Variants in CCDC73 observed in about 807,000 individuals in gnomAD.
CCDC73 encodes the protein coiled-coil domain containing 73.
A neutral mutation model predicts 116.5 loss-of-function variants in CCDC73; 95 were observed. The ratio of observed to expected loss-of-function variants is 0.82; its 90% confidence interval spans 0.69 to 0.97. The LOEUF (loss-of-function observed/expected upper bound fraction) is 0.97. Ranked by LOEUF, CCDC73 falls within the 50% of genes least tolerant of loss-of-function variation. The pLI, the probability that CCDC73 is intolerant of heterozygous loss-of-function variation, is 0.00. For synonymous variants in CCDC73, 398 were observed against 401.3 expected (o/e 0.99, Z 0.10); for missense variants, 1,066 against 1,206.8 (o/e 0.88, Z 1.73).
intron 2 of CCDC73, among the ~76,000 whole-genome samples, chr11:32,753,147 C>G (rs2133369100): frequency 6.6e-6 from 1 of 152,174 alleles, no homozygotes; most frequent in East Asian, 1.9e-4. Flanking sequence ...GGCTATTATC[C>G]CGTAAGAGCT....
At chr11:32,804,832 C>T in the CCDC73 span, among the ~76,000 whole-genome samples, 1 of 152,212 alleles carries the variant, frequency 6.6e-6, no homozygotes, top group Non-Finnish European at 1.5e-5. Context: ...GAATATTCTT[C>T]ATTGAGTATT....
chr11:32,615,517 C>G (rs996220825), intron 15 of CCDC73, among the ~76,000 whole-genome samples: 1 of 152,052 alleles, frequency 6.6e-6, no homozygotes, highest in African/African-American at 2.4e-5. Context: ...TATATTCTAA[C>G]AAAGATTTCA....
chr11:32,789,789 G>A (rs111342227), intron 1 of CCDC73, among the ~76,000 whole-genome samples: 3,685 of 151,888 alleles, frequency 0.024, 144 homozygotes, highest in African/African-American at 0.082. Flanking sequence ...AAATAAATAC[G>A]ACACCTTCTT....
intron 12 of CCDC73, among the ~76,000 whole-genome samples, chr11:32,642,682 T>C (rs918871845): frequency 1.3e-5 from 2 of 151,890 alleles, no homozygotes; most frequent in African/African-American, 2.4e-5. Context: ...TTTTTAAAGC[T>C]ATTAAATCAG....
In CCDC73 at chr11:32,608,410, G is replaced by C. The variant is rs185505733; in HGVS notation, c.3030+2722C>G. Among the ~76,000 whole-genome samples the C allele has an allele frequency of 3.6e-3, 548 of 151,902 alleles. 3 individuals are homozygous for C. Among genetic ancestry groups the C allele is most frequent in the Non-Finnish European group, 5.7e-3 (386 of 68,022 alleles). ...AAAACAAAGGGTCTACAGGCCCTGTGAAAGTCCAAAATCCAGCATGGCTGC... is the reference window on the plus strand; with the variant it reads ...AAAACAAAGGGTCTACAGGCCCTGTCAAAGTCCAAAATCCAGCATGGCTGC... On this transcript the variant is annotated intron_variant, in intron 17 of 17. Coordinates refer to ENST00000335185, the MANE Select transcript of CCDC73 (RefSeq NM_001008391.4).
At chr11:32,823,308 T>C in the CCDC73 span, among the ~76,000 whole-genome samples, 1 of 152,222 alleles carries the variant, frequency 6.6e-6, no homozygotes, top group African/African-American at 2.4e-5. Flanking sequence ...ACCCCGTCTC[T>C]ACTAAAAATA....
the CCDC73 span, among the ~76,000 whole-genome samples, chr11:32,811,704 G>T: frequency 6.6e-6 from 1 of 152,012 alleles, no homozygotes; most frequent in Non-Finnish European, 1.5e-5. Context: ...GGGAGGAGGT[G>T]CTAGACTCTT....
At chr11:32,703,046 A>G in intron 3 of CCDC73, 102 bp from the exon 4 acceptor site, 3 of 794,498 alleles carry the variant, frequency 3.8e-6, no homozygotes, top group Non-Finnish European at 4.4e-6. Flanking sequence ...CATACCTTCT[A>G]CATATATTAT....
At chr11:32,716,734 G>A (rs1264662500) in intron 3 of CCDC73, among the ~76,000 whole-genome samples, 1 of 151,982 alleles carries the variant, frequency 6.6e-6, no homozygotes, top group Non-Finnish European at 1.5e-5. Flanking sequence ...GCTAATATAT[G>A]TATTTTTTAA....
At chr11:32,763,722 G>C (rs573677978) in intron 1 of CCDC73, among the ~76,000 whole-genome samples, 1 of 152,214 alleles carries the variant, frequency 6.6e-6, no homozygotes, top group African/African-American at 2.4e-5. Context: ...CCCCTCCAAC[G>C]GAACGCAGCT....
intron 2 of CCDC73, among the ~76,000 whole-genome samples, chr11:32,744,223 T>C (rs1850214738): frequency 6.6e-6 from 1 of 152,242 alleles, no homozygotes; most frequent in Non-Finnish European, 1.5e-5. Flanking sequence ...TTGATATGCA[T>C]ATGTTGAACC....
intron 9 of CCDC73, 82 bp from the exon 10 acceptor site, chr11:32,655,054 C>T: frequency 2.2e-6 from 1 of 445,696 alleles, no homozygotes; most frequent in Non-Finnish European, 3.1e-6. Context: ...TTTCAAAGTT[C>T]ATCCTTAAGC....
chr11:32,713,121 C>A (rs546784969), intron 3 of CCDC73, among the ~76,000 whole-genome samples: 1 of 152,026 alleles, frequency 6.6e-6, no homozygotes. Flanking sequence ...AAACTCCCCC[C>A]GGATTAAATT....
chr11:32,747,334 T>C (rs1850248895), intron 2 of CCDC73, among the ~76,000 whole-genome samples: 1 of 152,066 alleles, frequency 6.6e-6, no homozygotes, highest in Non-Finnish European at 1.5e-5. Context: ...CCTGCCTATA[T>C]GAGGTGTCTG....
chr11:32,712,739 T>C (rs1849911467), intron 3 of CCDC73, among the ~76,000 whole-genome samples: 1 of 151,430 alleles, frequency 6.6e-6, no homozygotes, highest in Non-Finnish European at 1.5e-5. Context: ...TGTACATGTA[T>C]ATACTAATTT....
At position 32,760,273 on chromosome 11, in the gene CCDC73, G is replaced by C. The variant is rs201088588; in HGVS notation, c.-15-15C>G. On this transcript the variant is annotated splice_polypyrimidine_tract_variant and intron_variant, in intron 1 of 17. Transcript: ENST00000335185. ...ATATTTATTTCCTGTAATGTAAAAA[G>C]GTCTTAACTGAAAAAAAATTATCTA... 227 of 1,405,162 alleles carry C rather than the reference G, an allele frequency of 1.6e-4. No individual in the cohort carries two copies. Among genetic ancestry groups the C allele is most frequent in the Admixed American group, 6.3e-4 (24 of 37,800 alleles). The allele number at this position is 1,405,162 out of a possible 1,614,324, so 87.0% of individuals were successfully genotyped here.
chr11:32,760,408 G>T (rs1850382181), intron 1 of CCDC73, 150 bp from the exon 2 acceptor site: 2 of 510,282 alleles, frequency 3.9e-6, no homozygotes, highest in Middle Eastern at 5.3e-4. Flanking sequence ...CTCTAATGTT[G>T]ACCAAAAAAA....
At chr11:32,739,107 T>A (rs1300289293) in intron 2 of CCDC73, among the ~76,000 whole-genome samples, 1 of 152,198 alleles carries the variant, frequency 6.6e-6, no homozygotes. Context: ...TTCTGTAGTA[T>A]AATTTGAAGT....
chr11:32,671,687 G>A (rs1856040647), intron 9 of CCDC73, among the ~76,000 whole-genome samples: 1 of 152,168 alleles, frequency 6.6e-6, no homozygotes, highest in Non-Finnish European at 1.5e-5. Context: ...CTCTGAATAT[G>A]TATTTTAAAA....
Sources: allele counts gnomAD v4.1 joint callset (sites outside exome capture counted in the v4.1 genomes callset), GRCh38; gene constraint gnomAD v4.1.1; transcripts MANE v1.5; gene names NCBI Gene and HGNC (gene_info 2026-07-23, HGNC 2026-07-21).